Variants in HS2ST1 observed in about 807,000 individuals in gnomAD.
HS2ST1 encodes 2-O-sulfotransferase.
HS2ST1 carries 18 observed loss-of-function variants against 42.9 expected under a neutral mutation model. The observed-to-expected ratio is 0.42, with a 90% CI of 0.29 to 0.62. The LOEUF (loss-of-function observed/expected upper bound fraction) is 0.62, where lower values mean the gene tolerates loss of function less well. Ranked by LOEUF, HS2ST1 falls within the 20% of genes least tolerant of loss-of-function variation. The pLI is 0.21. For synonymous variants in HS2ST1, 146 were observed against 152.9 expected (o/e 0.95, Z 0.33); for missense variants, 334 against 433.8 (o/e 0.77, Z 2.04).
chr1:87,048,517 C>G (rs1203899093), intron 1 of HS2ST1, among the ~76,000 whole-genome samples: 1 of 152,076 alleles, frequency 6.6e-6, no homozygotes, highest in Non-Finnish European at 1.5e-5. Flanking sequence ...AGTATGATAC[C>G]AGCTGAACAT....
chr1:87,075,416 C>G (rs572399599), intron 2 of HS2ST1, among the ~76,000 whole-genome samples: 20 of 152,196 alleles, frequency 1.3e-4, no homozygotes, highest in African/African-American at 4.8e-4. Flanking sequence ...ATCCGCCCAC[C>G]TAGGCCTCCC....
intron 1 of HS2ST1, among the ~76,000 whole-genome samples, chr1:87,018,398 C>G (rs1649825177): frequency 1.3e-5 from 2 of 152,148 alleles, no homozygotes; most frequent in African/African-American, 4.8e-5. Context: ...CACTCAATGG[C>G]CTGTAGCTTC....
intron 1 of HS2ST1, among the ~76,000 whole-genome samples, chr1:86,922,880 C>T (rs190435115): frequency 6.6e-6 from 1 of 152,118 alleles, no homozygotes; most frequent in Non-Finnish European, 1.5e-5. Flanking sequence ...GTTTTTATTA[C>T]ATTTAAACAT....
At chr1:86,976,043 A>C (rs1346003386) in intron 1 of HS2ST1, among the ~76,000 whole-genome samples, 2 of 152,236 alleles carry the variant, frequency 1.3e-5, no homozygotes, top group African/African-American at 4.8e-5. Context: ...ACCAAAGTGT[A>C]CATTTATTAA....
chr1:87,012,609 C>T (rs1649633645), intron 1 of HS2ST1, among the ~76,000 whole-genome samples: 1 of 152,134 alleles, frequency 6.6e-6, no homozygotes, highest in Non-Finnish European at 1.5e-5. Context: ...CCCCTGGCCC[C>T]TCCCAAATCT....
At chr1:87,068,990 G>C (rs956101019) in intron 1 of HS2ST1, among the ~76,000 whole-genome samples, 1 of 152,106 alleles carries the variant, frequency 6.6e-6, no homozygotes, top group African/African-American at 2.4e-5. Flanking sequence ...ACGCCACCAG[G>C]CCAGGCTCTG....
At chr1:86,993,982 G>A (rs1285880693) in intron 1 of HS2ST1, among the ~76,000 whole-genome samples, 1 of 152,146 alleles carries the variant, frequency 6.6e-6, no homozygotes, top group African/African-American at 2.4e-5. Context: ...AAGTGTGCCC[G>A]TTTTGTTAAG....
At position 86,915,151 on chromosome 1, in the gene HS2ST1, T is replaced by C. The variant is rs774540351; in HGVS notation, c.115T>C (p.Ser39Pro). ...NQIQKLEESR[S>P]KLERAIARHE... ...GATCCAGAAACTGGAGGAGTCCCGCTCGAAGCTAGGTGAGGAACTGAACTG... is the reference window on the plus strand; with the variant it reads ...GATCCAGAAACTGGAGGAGTCCCGCCCGAAGCTAGGTGAGGAACTGAACTG... The change falls in exon 1 of 7, where the codon TCG becomes CCG. Residue 39 changes from serine to proline, a missense_variant. Coordinates refer to ENST00000370550, the MANE Select transcript of HS2ST1 (RefSeq NM_012262.4). The C allele has an allele frequency of 6.2e-7, 1 of 1,613,568 alleles. No individual in the cohort carries two copies. Among genetic ancestry groups the C allele is most frequent in the Admixed American group, 1.7e-5 (1 of 59,978 alleles).
chr1:87,048,630 A>G (rs1650755615), intron 1 of HS2ST1, among the ~76,000 whole-genome samples: 1 of 151,426 alleles, frequency 6.6e-6, no homozygotes, highest in African/African-American at 2.4e-5. Flanking sequence ...GATTTTTATC[A>G]TGCTTCTAGT....
In HS2ST1 at chr1:87,045,420, G is replaced by A. The variant is rs924642105; in HGVS notation, c.125-27514G>A. On this transcript the variant is annotated intron_variant, in intron 1 of 6. Coordinates refer to ENST00000370550, the MANE Select transcript of HS2ST1 (RefSeq NM_012262.4). ...TTCCCATCTTCAATTTGGACATCTG[G>A]TGCTACCATAGCAAATTTTTGTTTC... is the stretch of plus-strand genomic sequence containing the variant. The A allele has an allele frequency of 4.1e-6, 6 of 1,453,020 alleles. No individual in the cohort carries two copies. In the Admixed American group the frequency reaches 6.7e-5, roughly 16 times the overall value. 90.0% of individuals were successfully genotyped at this position (1,453,020 alleles called of 1,614,324 possible).
At chr1:87,039,092 G>T (rs1303350827) in intron 1 of HS2ST1, among the ~76,000 whole-genome samples, 1 of 152,166 alleles carries the variant, frequency 6.6e-6, no homozygotes, top group African/African-American at 2.4e-5. Context: ...TGATACGTGG[G>T]TTAGTAATAA....
At chr1:86,990,759 T>G (rs1648917828) in intron 1 of HS2ST1, among the ~76,000 whole-genome samples, 1 of 141,054 alleles carries the variant, frequency 7.1e-6, no homozygotes, top group Admixed American at 7.4e-5. Flanking sequence ...TTCTCCTGCC[T>G]CACCTCCCGA....
intron 4 of HS2ST1, 45 bp from the exon 5 acceptor site, chr1:87,097,793 G>A (rs1652103520): frequency 6.2e-7 from 1 of 1,610,170 alleles, no homozygotes; most frequent in Non-Finnish European, 8.5e-7. Context: ...TGATAGGTGA[G>A]ACTTGGATTT....
At chr1:86,924,059 A>G (rs1347149579) in intron 1 of HS2ST1, among the ~76,000 whole-genome samples, 2 of 152,218 alleles carry the variant, frequency 1.3e-5, no homozygotes, top group Non-Finnish European at 2.9e-5. Flanking sequence ...CTTCCTAGAT[A>G]CATTGGGTAA....
intron 1 of HS2ST1, among the ~76,000 whole-genome samples, chr1:86,944,442 C>A (rs972639776): frequency 1.3e-5 from 2 of 152,090 alleles, no homozygotes; most frequent in Admixed American, 1.3e-4. Flanking sequence ...GCAACCTCCC[C>A]CTTCTGGGTT....
At chr1:86,918,503 AT>A (rs1660216139) in intron 1 of HS2ST1, among the ~76,000 whole-genome samples, 1 of 151,770 alleles carries the variant, frequency 6.6e-6, no homozygotes, top group Admixed American at 6.6e-5. Flanking sequence ...TATATATATA[AT>A]TTTTTTGAGT....
chr1:87,102,379 A>T (rs1652234932), intron 5 of HS2ST1, among the ~76,000 whole-genome samples: 1 of 152,130 alleles, frequency 6.6e-6, no homozygotes, highest in African/African-American at 2.4e-5. Context: ...AAATAACTAG[A>T]TCTCTAATGA....
chr1:86,997,398 C>T (rs550065409), intron 1 of HS2ST1, among the ~76,000 whole-genome samples: 11 of 152,022 alleles, frequency 7.2e-5, no homozygotes, highest in South Asian at 4.2e-4. Context: ...AGATTGAGTT[C>T]GAATGCATAA....
chr1:87,055,560 C>T (rs1207410260), intron 1 of HS2ST1, among the ~76,000 whole-genome samples: 1 of 152,084 alleles, frequency 6.6e-6, no homozygotes, highest in Non-Finnish European at 1.5e-5. Flanking sequence ...AGAAGTCCCG[C>T]GTGGGTTACT....
Sources: gnomAD v4.1 joint callset for allele counts (sites outside exome capture counted in the v4.1 genomes callset) on GRCh38, gnomAD v4.1.1 for gene constraint, MANE v1.5 for transcripts, NCBI Gene and HGNC (gene_info 2026-07-23, HGNC 2026-07-21) for gene names.